Variants in WWOX observed in about 807,000 individuals in gnomAD.
WWOX encodes the protein WW domain containing oxidoreductase, also known as WW domain-containing oxidoreductase.
Under a neutral mutation model 46.2 loss-of-function variants are expected in WWOX, and 69 were observed. That is an observed-to-expected ratio of 1.49 (90% CI 1.23 to 1.82). The LOEUF (loss-of-function observed/expected upper bound fraction) is 1.82. Ranked by LOEUF, WWOX falls within the 40% of genes most tolerant of loss-of-function variation. The probability of loss-of-function intolerance (pLI) is 0.00; values close to 1 mark genes in which losing one functional copy is unlikely to be tolerated. For synonymous variants in WWOX, 359 were observed against 202.6 expected (o/e 1.77, Z -6.56); for missense variants, 919 against 542.6 (o/e 1.69, Z -6.89).
At chr16:78,709,717 C>G (rs1287617084) in intron 8 of WWOX, among the ~76,000 whole-genome samples, 3 of 148,652 alleles carry the variant, frequency 2.0e-5, no homozygotes, top group Non-Finnish European at 3.0e-5. Flanking sequence ...GCCTCTTCTT[C>G]CAAAGCAACA....
At chr16:78,594,035 A>T (rs2045416333) in intron 8 of WWOX, among the ~76,000 whole-genome samples, 1 of 152,184 alleles carries the variant, frequency 6.6e-6, no homozygotes, top group Non-Finnish European at 1.5e-5. Flanking sequence ...TTGGGAAAAT[A>T]TCGTGAGGCG....
chr16:79,142,294 G>A (rs191364930), intron 8 of WWOX, among the ~76,000 whole-genome samples: 27 of 152,250 alleles, frequency 1.8e-4, no homozygotes, highest in Non-Finnish European at 3.1e-4. Context: ...ATAAAACAGG[G>A]TAGTGAGATG....
intron 8 of WWOX, among the ~76,000 whole-genome samples, chr16:78,753,193 T>C (rs2049530039): frequency 6.6e-6 from 1 of 151,884 alleles, no homozygotes. Flanking sequence ...CCAGCTACTC[T>C]GGAGGCTGAG....
intron 5 of WWOX, among the ~76,000 whole-genome samples, chr16:78,365,086 A>T (rs913869077): frequency 6.6e-6 from 1 of 152,132 alleles, no homozygotes; most frequent in East Asian, 1.9e-4. Context: ...TTATGAGCTT[A>T]AGTTATGTGA....
intron 5 of WWOX, among the ~76,000 whole-genome samples, chr16:78,200,193 C>T (rs974754253): frequency 2.0e-4 from 31 of 152,042 alleles, no homozygotes; most frequent in African/African-American, 7.5e-4. Flanking sequence ...GTTGCCTCAG[C>T]CGCTGACCCT....
chr16:78,384,143 CT>C (rs915912612), intron 5 of WWOX, among the ~76,000 whole-genome samples: 2 of 152,136 alleles, frequency 1.3e-5, no homozygotes, highest in African/African-American at 4.8e-5. Context: ...AATATGTAGC[CT>C]GCATATCCCT....
intron 8 of WWOX, among the ~76,000 whole-genome samples, chr16:78,996,755 A>C (rs778868560): frequency 1.3e-5 from 2 of 152,114 alleles, no homozygotes; most frequent in Non-Finnish European, 1.5e-5. Flanking sequence ...AATTCTCCCA[A>C]CTGTTCCCTT....
At chr16:78,518,106 C>G (rs1158572158) in intron 8 of WWOX, among the ~76,000 whole-genome samples, 1 of 152,094 alleles carries the variant, frequency 6.6e-6, no homozygotes, top group Non-Finnish European at 1.5e-5. Flanking sequence ...AGTATGTGCT[C>G]TCCAGTATTT....
chr16:79,180,690 C>T (rs1166986978), intron 8 of WWOX, among the ~76,000 whole-genome samples: 1 of 152,068 alleles, frequency 6.6e-6, no homozygotes, highest in African/African-American at 2.4e-5. Context: ...TTCTCCCTCC[C>T]TCCCTCCATT....
chr16:78,264,379 C>T (rs1353092221), intron 5 of WWOX: 1 of 152,052 alleles, frequency 6.6e-6, no homozygotes, highest in African/African-American at 2.4e-5. Context: ...TCTCCCCGCC[C>T]CCACCGCCAG....
At chr16:79,091,577 C>T (rs1224655237) in intron 8 of WWOX, among the ~76,000 whole-genome samples, 2 of 152,054 alleles carry the variant, frequency 1.3e-5, no homozygotes, top group African/African-American at 2.4e-5. Flanking sequence ...AAGAACACCC[C>T]AGAACAATCT....
intron 8 of WWOX, among the ~76,000 whole-genome samples, chr16:79,044,811 C>T (rs978091773): frequency 6.6e-6 from 1 of 151,758 alleles, no homozygotes; most frequent in African/African-American, 2.4e-5. Flanking sequence ...AAAGTCCAAC[C>T]TCAAGGCCCA....
At chr16:78,200,065 G>A (rs920651255) in intron 5 of WWOX, among the ~76,000 whole-genome samples, 1 of 152,176 alleles carries the variant, frequency 6.6e-6, no homozygotes, top group African/African-American at 2.4e-5. Context: ...GGCAAGGGAG[G>A]AAATAAATAA....
In WWOX at chr16:78,432,275, T is replaced by A. The variant is rs1394900222; in HGVS notation, c.792-213T>A. 4.6e-5 allele frequency among the ~76,000 whole-genome samples: 7 copies of A among 152,062 alleles called. No homozygotes were observed. The East Asian group carries it at 1.2e-3, about 25-fold the overall frequency. ...GGCATGCCACCACACCTGGCTAATT[T>A]TTGTATTTTTAGTAGAGATGGCATT... On this transcript the variant is annotated intron_variant, in intron 7 of 8. Transcript: ENST00000566780.
chr16:78,937,748 C>T (rs1283194014), intron 8 of WWOX, among the ~76,000 whole-genome samples: 2 of 151,994 alleles, frequency 1.3e-5, no homozygotes, highest in African/African-American at 2.4e-5. Flanking sequence ...CCTCAGCCTC[C>T]TGAGTAGCTG....
intron 8 of WWOX, among the ~76,000 whole-genome samples, chr16:78,687,444 C>A (rs755122959): frequency 6.6e-6 from 1 of 152,114 alleles, no homozygotes; most frequent in Non-Finnish European, 1.5e-5. Flanking sequence ...ATATTTATCA[C>A]GGTTAAGTGA....
chr16:78,238,782 G>A (rs1386325009), intron 5 of WWOX, among the ~76,000 whole-genome samples: 5 of 151,850 alleles, frequency 3.3e-5, no homozygotes, highest in African/African-American at 4.8e-5. Context: ...ACCACACCCG[G>A]CTAATTTTGT....
chr16:78,825,934 C>G lies in WWOX; in HGVS notation c.1057-385674C>G, dbSNP rs555251203. 34 of 805,894 alleles carry G rather than the reference C, an allele frequency of 4.2e-5. No homozygotes were observed. In the African/African-American group the frequency reaches 5.7e-4, roughly 14 times the overall value. The allele number at this position is 805,894 out of a possible 1,614,324, so 49.9% of individuals were successfully genotyped here. A position where few individuals can be genotyped will look rare whatever the true frequency, so the allele number is the denominator to read the frequency against. ...AACCCAAAGATGAGGTAGTGCCCAC[C>G]ACTCCCATCTCAGAACAGAAGGGTG... On this transcript the variant is annotated intron_variant, in intron 8 of 8. Transcript: ENST00000566780.
chr16:78,423,937 C>A (rs748544405), intron 6 of WWOX, among the ~76,000 whole-genome samples: 1 of 151,538 alleles, frequency 6.6e-6, no homozygotes, highest in Non-Finnish European at 1.5e-5. Context: ...ATAAAATGTT[C>A]ATTTAATCTG....
Sources: allele counts gnomAD v4.1 joint callset (sites outside exome capture counted in the v4.1 genomes callset), GRCh38; gene constraint gnomAD v4.1.1; transcripts MANE v1.5; gene names NCBI Gene and HGNC (gene_info 2026-07-23, HGNC 2026-07-21).